Variants in TRHDE observed in about 807,000 individuals in gnomAD.
The protein encoded by TRHDE is thyrotropin releasing hormone degrading enzyme.
In TRHDE, 72 loss-of-function variants were observed where a neutral mutation model predicts 125.7. The ratio of observed to expected loss-of-function variants is 0.57; its 90% CI spans 0.47 to 0.70. The LOEUF (loss-of-function observed/expected upper bound fraction) is 0.70, where lower values mean the gene tolerates loss of function less well. Among genes scored for constraint, TRHDE ranks in the 30% least tolerant of loss-of-function variants. The pLI, the probability that TRHDE is intolerant of heterozygous loss-of-function variation, is 0.00. For missense variants in TRHDE, 1,110 were observed against 1,327.1 expected (o/e 0.84, Z 2.54); for synonymous variants, 509 against 509.1 (o/e 1.00, Z 0.00).
intron 3 of TRHDE, among the ~76,000 whole-genome samples, chr12:72,445,927 G>T (rs1434029441): frequency 6.6e-6 from 1 of 151,874 alleles, no homozygotes; most frequent in Non-Finnish European, 1.5e-5. Flanking sequence ...TGTGGGCACT[G>T]GTTGGTTAGG....
intron 15 of TRHDE, among the ~76,000 whole-genome samples, chr12:72,639,842 A>C (rs1254672745): frequency 1.3e-5 from 2 of 152,130 alleles, no homozygotes; most frequent in Non-Finnish European, 2.9e-5. Flanking sequence ...GACCCACTTG[A>C]GGAGGCAGTC....
At chr12:72,510,617 G>A (rs1878542976) in intron 6 of TRHDE, among the ~76,000 whole-genome samples, 1 of 151,886 alleles carries the variant, frequency 6.6e-6, no homozygotes, top group South Asian at 2.1e-4. Context: ...TTGTGCCATT[G>A]TTTAAATAGA....
intron 12 of TRHDE, among the ~76,000 whole-genome samples, chr12:72,584,450 T>A (rs1366880933): frequency 6.6e-6 from 1 of 152,168 alleles, no homozygotes; most frequent in Non-Finnish European, 1.5e-5. Flanking sequence ...TACAATATAT[T>A]GTCATTAACT....
intron 2 of TRHDE, among the ~76,000 whole-genome samples, chr12:72,311,925 C>T (rs1403249176): frequency 6.6e-6 from 1 of 151,302 alleles, no homozygotes; most frequent in African/African-American, 2.4e-5. Context: ...TTTTTTTATT[C>T]GTATTTTCTT....
intron 7 of TRHDE, 56 bp downstream of exon 7, chr12:72,542,412 A>G: frequency 2.1e-6 from 3 of 1,458,430 alleles, no homozygotes; most frequent in Non-Finnish European, 2.8e-6. Flanking sequence ...TATATTTCAC[A>G]GCTTAGGAAA....
At chr12:72,399,960 C>G (rs994841000) in intron 3 of TRHDE, among the ~76,000 whole-genome samples, 2 of 151,936 alleles carry the variant, frequency 1.3e-5, no homozygotes, top group African/African-American at 4.8e-5. Flanking sequence ...TTTTAATTTC[C>G]CACTCTGCCA....
chr12:72,667,774 TAATAA>T lies in TRHDE; in HGVS notation c.*4585_*4589del, dbSNP rs1565828968. On this transcript the variant is annotated 3_prime_UTR_variant, in exon 19 of 19. Coordinates refer to ENST00000261180, the MANE Select transcript of TRHDE (RefSeq NM_013381.3). ...AGAAATATGTTACATTTTGAAATTA[TAATAA>T]AATAATAGAGTTTAAACTCTAATAA... 6.6e-6 allele frequency: 1 copy of T among 151,842 alleles called. No homozygotes were observed. Among genetic ancestry groups the T allele is most frequent in the Non-Finnish European group, 1.5e-5 (1 of 67,744 alleles). 9.4% of individuals were successfully genotyped at this position (151,842 alleles called of 1,614,324 possible). A position where few individuals can be genotyped will look rare whatever the true frequency, so the allele number is the denominator to read the frequency against.
chr12:72,354,158 A>T (rs1355717034), intron 2 of TRHDE, among the ~76,000 whole-genome samples: 1 of 151,720 alleles, frequency 6.6e-6, no homozygotes, highest in East Asian at 1.9e-4. Context: ...TCAAATGAAC[A>T]AATAATAAAA....
chr12:72,495,450 T>G (rs899318530), intron 5 of TRHDE, among the ~76,000 whole-genome samples: 1 of 152,112 alleles, frequency 6.6e-6, no homozygotes, highest in African/African-American at 2.4e-5. Context: ...TGCCCTTTTT[T>G]AGCTGTTTCC....
At chr12:72,470,927 A>T (rs111564890) in intron 4 of TRHDE, among the ~76,000 whole-genome samples, 12,333 of 117,804 alleles carry the variant, frequency 0.1, 640 homozygotes, top group Middle Eastern at 0.22. Flanking sequence ...CCCAGGCTGG[A>T]GTGCAGTGGT....
At chr12:72,227,820 A>G (rs1469268807) in intron 2 of TRHDE, among the ~76,000 whole-genome samples, 1 of 152,228 alleles carries the variant, frequency 6.6e-6, no homozygotes, top group Non-Finnish European at 1.5e-5. Context: ...TGAAGGGGCT[A>G]CAGGACCCAT....
At chr12:72,381,488 C>A (rs1308405902) in intron 3 of TRHDE, among the ~76,000 whole-genome samples, 3 of 150,634 alleles carry the variant, frequency 2.0e-5, no homozygotes, top group Non-Finnish European at 3.0e-5. Context: ...CTCCGCCTCC[C>A]GGGTTCACGC....
At chr12:72,533,328 C>A (rs1260900205) in intron 6 of TRHDE, among the ~76,000 whole-genome samples, 1 of 152,096 alleles carries the variant, frequency 6.6e-6, no homozygotes, top group South Asian at 2.1e-4. Context: ...GTGTGCACCA[C>A]CACACCCAGC....
intron 2 of TRHDE, among the ~76,000 whole-genome samples, chr12:72,356,853 A>G (rs1199342232): frequency 3.3e-5 from 5 of 151,546 alleles, no homozygotes; most frequent in Admixed American, 1.3e-4. Context: ...CTCCAAGCAC[A>G]AAGAGAAAAC....
chr12:72,310,327 A>G (rs918201608), intron 2 of TRHDE, among the ~76,000 whole-genome samples: 1 of 152,242 alleles, frequency 6.6e-6, no homozygotes, highest in African/African-American at 2.4e-5. Context: ...CCTGAATTCA[A>G]GTCTCCTGTC....
intron 2 of TRHDE, among the ~76,000 whole-genome samples, chr12:72,196,993 G>A (rs1370706812): frequency 6.6e-6 from 1 of 151,880 alleles, no homozygotes; most frequent in Non-Finnish European, 1.5e-5. Context: ...TTATTTTATT[G>A]AAGCTGTTTT....
At chr12:72,529,984 C>T (rs1449956409) in intron 6 of TRHDE, among the ~76,000 whole-genome samples, 3 of 152,272 alleles carry the variant, frequency 2.0e-5, no homozygotes, top group Non-Finnish European at 4.4e-5. Flanking sequence ...AAGGTCTGTA[C>T]TATGATATAG....
intron 6 of TRHDE, among the ~76,000 whole-genome samples, chr12:72,524,029 C>T (rs1482091025): frequency 1.3e-5 from 2 of 152,140 alleles, no homozygotes; most frequent in Non-Finnish European, 2.9e-5. Context: ...TCAATACTAA[C>T]CTGGTCTCCA....
At chr12:72,519,162 CTCTGTAT>C (rs1192999044) in intron 6 of TRHDE, among the ~76,000 whole-genome samples, 1 of 151,970 alleles carries the variant, frequency 6.6e-6, no homozygotes, top group Non-Finnish European at 1.5e-5. Context: ...TTGTGGCGTT[CTCTGTAT>C]TTCCTGAATC....
Sources: gnomAD v4.1 joint callset for allele counts (sites outside exome capture counted in the v4.1 genomes callset) on GRCh38, gnomAD v4.1.1 for gene constraint, MANE v1.5 for transcripts, NCBI Gene and HGNC (gene_info 2026-07-23, HGNC 2026-07-21) for gene names.